Variants in BMPER observed in about 807,000 individuals in gnomAD.
BMPER encodes BMP binding endothelial regulator.
A neutral mutation model predicts 87.3 loss-of-function variants in BMPER; 45 were observed. That is an observed-to-expected ratio of 0.52 (90% CI 0.41 to 0.66). BMPER has a LOEUF of 0.66. Ranked by LOEUF, BMPER falls within the 30% of genes least tolerant of loss-of-function variation. BMPER has a pLI of 0.00. For missense variants in BMPER, 784 were observed against 867.5 expected, an observed-to-expected ratio of 0.90 and a Z score of 1.21; for synonymous variants, 326 against 316.2, an observed-to-expected ratio of 1.03 and a Z score of -0.33.
At chr7:34,009,257 A>G (rs562305646) in intron 6 of BMPER, among the ~76,000 whole-genome samples, 1 of 151,974 alleles carries the variant, frequency 6.6e-6, no homozygotes, top group Non-Finnish European at 1.5e-5. Flanking sequence ...GAATTTTTGA[A>G]TGTGTCTTTA....
At chr7:33,962,463 G>T (rs1252178833) in intron 3 of BMPER, among the ~76,000 whole-genome samples, 1 of 152,192 alleles carries the variant, frequency 6.6e-6, no homozygotes, top group East Asian at 1.9e-4. Context: ...CAATGAAAAT[G>T]TTGAGCTGGT....
chr7:34,005,334 A>G (rs1028616976), intron 6 of BMPER, among the ~76,000 whole-genome samples: 7 of 152,142 alleles, frequency 4.6e-5, no homozygotes, highest in Non-Finnish European at 8.8e-5. Context: ...AAGTTAAAAT[A>G]TCTCAAAGCT....
rs1791224158 is a variant in BMPER at position 34,153,125 on chromosome 7, C to G, written c.1910C>G (p.Thr637Ser). ...TQCKHGAVYD[T>S]CGPGCIKTCD... ...TGTAAGCATGGTGCTGTGTACGATA[C>G]CTGTGGTCCGGGATGTATCAAGACG... is the stretch of plus-strand genomic sequence containing the variant. The change falls in exon 15 of 15, where the codon ACC becomes AGC. Residue 637 changes from threonine to serine, a missense_variant. Transcript: ENST00000649409. 1 of 1,614,000 alleles carries G rather than the reference C, an allele frequency of 6.2e-7. No individual in the cohort carries two copies. The highest frequency in any genetic ancestry group is 8.5e-7 in the Non-Finnish European group (1 of 1,179,938).
chr7:33,907,029 C>T (rs1162711906), intron 2 of BMPER, 126 bp downstream of exon 2: 1 of 927,236 alleles, frequency 1.1e-6, no homozygotes, highest in Non-Finnish European at 1.7e-6. Flanking sequence ...CATAACTGTA[C>T]ATAGTTTGTG....
chr7:33,990,976 A>G (rs1361265301), intron 6 of BMPER, among the ~76,000 whole-genome samples: 1 of 133,028 alleles, frequency 7.5e-6, no homozygotes, highest in African/African-American at 2.8e-5. Context: ...CCACTTGATC[A>G]TGGTGGATAA....
Position 34,079,085 on chromosome 7 carries a change from T to A in BMPER, c.1307T>A (p.Leu436His). The change falls in exon 12 of 15, where the codon CTC (leucine) becomes CAC (histidine). Residue 436 changes from leucine (L) to histidine (H), a missense_variant. Physicochemically the swap from Leu to His is moderately conservative, Grantham distance 99 (BLOSUM62 -3). Coordinates refer to ENST00000649409, the MANE Select transcript of BMPER (RefSeq NM_001365308.1). ...GESRVSLQQH[L>H]TVRWNGSRIA... ...AGCAGGGTCAGCCTGCAGCAGCACCTCACCGTGCGCTGGAACGGCTCGCGC... is the reference window on the plus strand; with the variant it reads ...AGCAGGGTCAGCCTGCAGCAGCACCACACCGTGCGCTGGAACGGCTCGCGC... 3 of 1,614,012 alleles carry A rather than the reference T, an allele frequency of 1.9e-6. No individual in the cohort carries two copies. Among genetic ancestry groups the A allele is most frequent in the Non-Finnish European group, 2.5e-6 (3 of 1,179,992 alleles).
chr7:34,142,041 G>A (rs1188145539), intron 13 of BMPER, among the ~76,000 whole-genome samples: 2 of 152,154 alleles, frequency 1.3e-5, no homozygotes, highest in African/African-American at 4.8e-5. Flanking sequence ...AGTGCAGCTT[G>A]TACTCTTGGA....
At chr7:33,991,490 A>G (rs1439185911) in intron 6 of BMPER, among the ~76,000 whole-genome samples, 1 of 151,864 alleles carries the variant, frequency 6.6e-6, no homozygotes, top group Non-Finnish European at 1.5e-5. Flanking sequence ...TATTGCATCT[A>G]TTTGATTCTT....
Position 33,919,614 on chromosome 7 carries a change from C to A in BMPER, c.219+12711C>A, listed in dbSNP as rs183974600. ...TGCAGGAAATGTGGGAATGGCATTG[C>A]AGGACTGGAGTAGGCAAATGATTGA... On this transcript the variant is annotated intron_variant, in intron 2 of 14. Transcript: ENST00000649409. 3.1e-3 allele frequency among the ~76,000 whole-genome samples: 470 copies of A among 152,274 alleles called. 1 individual carries two copies. The highest frequency in any genetic ancestry group is 4.5e-3 in the Non-Finnish European group (304 of 68,022).
In BMPER at chr7:34,071,870, C is replaced by T. The variant is rs80274238; in HGVS notation, c.1079-6987C>T. On this transcript the variant is annotated intron_variant, in intron 11 of 14. Transcript: ENST00000649409. ...GATAGGTGTTCCCAGACTCCTAGGA[C>T]AGCATTGATCAGTCTTTTGACAGGG... Among the ~76,000 whole-genome samples the T allele has an allele frequency of 1.3e-3, 196 of 152,262 alleles. 5 individuals are homozygous for T. In the East Asian group the frequency reaches 0.02, roughly 15 times the overall value.
intron 6 of BMPER, among the ~76,000 whole-genome samples, chr7:33,995,563 A>G (rs1786384437): frequency 6.6e-6 from 1 of 152,204 alleles, no homozygotes; most frequent in African/African-American, 2.4e-5. Flanking sequence ...TTCCAGTAGC[A>G]TGGTATGCCT....
intron 2 of BMPER, among the ~76,000 whole-genome samples, chr7:33,923,662 G>A (rs370420998): frequency 6.6e-6 from 1 of 152,140 alleles, no homozygotes; most frequent in African/African-American, 2.4e-5. Context: ...GTGACCTCTG[G>A]TGGTCACTGA....
At chr7:34,125,518 A>G (rs1405591122) in intron 13 of BMPER, among the ~76,000 whole-genome samples, 1 of 152,108 alleles carries the variant, frequency 6.6e-6, no homozygotes, top group Non-Finnish European at 1.5e-5. Context: ...GGAGATTTTG[A>G]CATTTTATTT....
intron 7 of BMPER, 86 bp downstream of exon 7, chr7:34,046,491 G>A: frequency 7.2e-7 from 1 of 1,395,944 alleles, no homozygotes; most frequent in Non-Finnish European, 1.0e-6. Flanking sequence ...GTTGTTTTGA[G>A]ATTCTCAAGT....
At chr7:34,014,206 G>A (rs1786960781) in intron 6 of BMPER, among the ~76,000 whole-genome samples, 1 of 151,904 alleles carries the variant, frequency 6.6e-6, no homozygotes, top group Non-Finnish European at 1.5e-5. Flanking sequence ...GTGGGTTGCT[G>A]TTTTCTTCCC....
chr7:34,149,957 A>G (rs1791130013), intron 14 of BMPER, among the ~76,000 whole-genome samples: 1 of 152,184 alleles, frequency 6.6e-6, no homozygotes, highest in African/African-American at 2.4e-5. Context: ...ATTTGTTGTT[A>G]AGTAGATAGG....
chr7:33,995,419 A>G lies in BMPER; in HGVS notation c.576+20635A>G, dbSNP rs1040244796. ...CTGAAGGCAAGGAGAAGACAATAAA[A>G]TAGGACAATGTTGAGAGCCAGGATG... On this transcript the variant is annotated intron_variant, in intron 6 of 14. Coordinates refer to ENST00000649409, the MANE Select transcript of BMPER (RefSeq NM_001365308.1). 1.6e-4 allele frequency among the ~76,000 whole-genome samples: 24 copies of G among 152,220 alleles called. No individual in the cohort carries two copies. In the East Asian group the frequency reaches 3.7e-3, roughly 23 times the overall value.
At chr7:33,935,539 C>T (rs10951404) in intron 2 of BMPER, among the ~76,000 whole-genome samples, 58,546 of 151,438 alleles carry the variant, frequency 0.39, 12,085 homozygotes, top group African/African-American at 0.54. Flanking sequence ...ATGAGGTCAG[C>T]CCCTTGAGGG....
At chr7:33,922,410 G>A (rs940268513) in intron 2 of BMPER, among the ~76,000 whole-genome samples, 3 of 152,178 alleles carry the variant, frequency 2.0e-5, no homozygotes, top group South Asian at 4.1e-4. Flanking sequence ...ATTACAGCAG[G>A]CTGGCTGTTC....
Sources: gnomAD v4.1 joint callset for allele counts (sites outside exome capture counted in the v4.1 genomes callset) on GRCh38, gnomAD v4.1.1 for gene constraint, MANE v1.5 for transcripts, NCBI Gene and HGNC (gene_info 2026-07-23, HGNC 2026-07-21) for gene names.